Variants in ERO1B observed in about 807,000 individuals in gnomAD.
ERO1B encodes endoplasmic reticulum oxidoreductase 1 beta.
A neutral mutation model predicts 75.3 loss-of-function variants in ERO1B; 49 were observed. The ratio of observed to expected loss-of-function variants is 0.65; its 90% CI spans 0.52 to 0.83. The LOEUF is 0.83. Among genes scored for constraint, ERO1B ranks in the 40% least tolerant of loss-of-function variants. The pLI, the probability that ERO1B is intolerant of heterozygous loss-of-function variation, is 0.00. For missense variants in ERO1B, 512 were observed against 560.1 expected, an observed-to-expected ratio of 0.91 and a Z score of 0.87; for synonymous variants, 191 against 192.9, an observed-to-expected ratio of 0.99 and a Z score of 0.08.
At position 236,249,952 on chromosome 1, in the gene ERO1B, T is replaced by C; in HGVS notation, c.364A>G (p.Asn122Asp). The change falls in exon 5 of 16, where the codon AAC becomes GAC. Residue 122 changes from asparagine (N) to aspartate (D), a missense_variant. By Grantham distance (23) the Asn-to-Asp change is conservative (BLOSUM62 1). Transcript: ENST00000354619. ...GHSNKYLKMA[N>D]NTKELEDCEQ... The stretch of plus-strand genomic sequence containing the variant: ...CAATCTTCTAATTCTTTGGTATTGT[T>C]TGCCATTTTCAAGTACTGCAAAGAA... 2 of 1,601,574 alleles carry C rather than the reference T, an allele frequency of 1.2e-6. No individual in the cohort carries two copies. Among genetic ancestry groups the C allele is most frequent in the Non-Finnish European group, 1.7e-6 (2 of 1,175,328 alleles).
chr1:236,281,621 C>G (rs1665832229), intron 1 of ERO1B, 61 bp downstream of exon 1: 1 of 1,167,546 alleles, frequency 8.6e-7, no homozygotes. Context: ...AGCCGCGGCC[C>G]GTGTGTAGCG....
chr1:236,275,427 C>T (rs185794804), intron 1 of ERO1B, among the ~76,000 whole-genome samples: 48 of 152,256 alleles, frequency 3.2e-4, no homozygotes, highest in African/African-American at 1.1e-3. Context: ...CAGTAATAAC[C>T]AAATGGAAGA....
At chr1:236,241,115 A>G (rs1664687507) in intron 6 of ERO1B, among the ~76,000 whole-genome samples, 1 of 152,244 alleles carries the variant, frequency 6.6e-6, no homozygotes, top group Admixed American at 6.5e-5. Flanking sequence ...CATTATCAAC[A>G]GCAAAACAGC....
chr1:236,224,170 C>T (rs749832221), intron 13 of ERO1B, among the ~76,000 whole-genome samples: 2 of 152,056 alleles, frequency 1.3e-5, no homozygotes, highest in Non-Finnish European at 2.9e-5. Context: ...GAAAACAACC[C>T]CACAAAACTA....
rs545258709 is a variant in ERO1B, at chr1:236,242,784, G to A, written c.505+638C>T. Among the ~76,000 whole-genome samples, 195 of 152,128 alleles carry A rather than the reference G, an allele frequency of 1.3e-3. 1 individual carries two copies. The highest frequency in any genetic ancestry group is 4.2e-3 in the African/African-American group (173 of 41,490). ...TATGCCTACTCAGCACAATTCTTTG[G>A]GAATATTATCCCACAGATAAAAAAT... On this transcript the variant is annotated intron_variant, in intron 6 of 15. Transcript: ENST00000354619.
At chr1:236,266,302 T>C (rs1444372463) in intron 2 of ERO1B, among the ~76,000 whole-genome samples, 1 of 152,218 alleles carries the variant, frequency 6.6e-6, no homozygotes, top group East Asian at 1.9e-4. Context: ...GAATCATGTG[T>C]TTAAAATTAA....
At chr1:236,226,136 T>C in intron 12 of ERO1B, 133 bp downstream of exon 12, 1 of 839,346 alleles carries the variant, frequency 1.2e-6, no homozygotes, top group Admixed American at 2.7e-5. Context: ...TCTGTTGTTC[T>C]ATTGATCACT....
chr1:236,279,862 AAAGT>A (rs1310283936), intron 1 of ERO1B, among the ~76,000 whole-genome samples: 13 of 149,946 alleles, frequency 8.7e-5, no homozygotes, highest in Middle Eastern at 3.5e-3. Context: ...AAAAAAAAAG[AAAGT>A]AAGTACTGCT....
rs977494618 is a variant in ERO1B at position 236,250,039 on chromosome 1, A to T, written c.349-72T>A. 7 of 999,122 alleles carry T rather than the reference A, an allele frequency of 7.0e-6. No individual in the cohort carries two copies. The African/African-American group carries it at 1.1e-4, about 16-fold the overall frequency. The allele number at this position is 999,122 out of a possible 1,614,324, so 61.9% of individuals were successfully genotyped here. A position where few individuals can be genotyped will look rare whatever the true frequency, so the allele number is the denominator to read the frequency against. ...TATTTCAGTTTCTATTGGCAGAATA[A>T]TCAATCTGTCAACAATGATATACAC... On this transcript the variant is annotated intron_variant, in intron 4 of 15. Transcript: ENST00000354619.
chr1:236,267,947 G>A (rs972202815), intron 2 of ERO1B: 16 of 151,724 alleles, frequency 1.1e-4, no homozygotes, highest in Admixed American at 6.6e-4. Flanking sequence ...CTTCAGGAAC[G>A]GTGCACCCCT....
At chr1:236,260,192 G>A (rs984126706) in intron 2 of ERO1B, among the ~76,000 whole-genome samples, 3 of 152,086 alleles carry the variant, frequency 2.0e-5, no homozygotes, top group Middle Eastern at 3.4e-3. Context: ...AACTGACATC[G>A]AAGAAAAAGA....
intron 14 of ERO1B, 77 bp from the exon 15 acceptor site, chr1:236,221,042 C>T (rs991850187): frequency 9.1e-7 from 1 of 1,097,000 alleles, no homozygotes; most frequent in Admixed American, 3.6e-5. Context: ...GAATATATAG[C>T]CACTGTTATG....
At chr1:236,221,448 T>G (rs1664139474) in intron 14 of ERO1B, among the ~76,000 whole-genome samples, 1 of 152,240 alleles carries the variant, frequency 6.6e-6, no homozygotes, top group South Asian at 2.1e-4. Flanking sequence ...TAGAAAGAGA[T>G]AAAATATTCA....
At chr1:236,219,324 A>G (rs1664076486) in intron 15 of ERO1B, among the ~76,000 whole-genome samples, 1 of 152,338 alleles carries the variant, frequency 6.6e-6, no homozygotes, top group South Asian at 2.1e-4. Context: ...CCAGGATTCC[A>G]GAACTTTAGG....
chr1:236,281,925 G>T lies in ERO1B; in HGVS notation c.-142C>A. The T allele has an allele frequency of 2.1e-6, 1 of 470,960 alleles. No individual in the cohort carries two copies. Among genetic ancestry groups the T allele is most frequent in the Non-Finnish European group, 3.4e-6 (1 of 290,418 alleles). The allele number at this position is 470,960 out of a possible 1,614,324, so 29.2% of individuals were successfully genotyped here. A position where few individuals can be genotyped will look rare whatever the true frequency, so the allele number is the denominator to read the frequency against. On this transcript the variant is annotated 5_prime_UTR_variant, in exon 1 of 16. Transcript: ENST00000354619. Reference sequence around the variant, plus strand: ...GGTCTGCACTCCAGTCCGGAGGCAGGCGACTCTTTCCCCAACACCCGGCAG... The same window carrying T: ...GGTCTGCACTCCAGTCCGGAGGCAGTCGACTCTTTCCCCAACACCCGGCAG...
intron 5 of ERO1B, among the ~76,000 whole-genome samples, chr1:236,244,194 C>T (rs1006301149): frequency 1.3e-5 from 2 of 152,036 alleles, no homozygotes; most frequent in Non-Finnish European, 2.9e-5. Context: ...ATTTTGCTAC[C>T]CTCTTTATTC....
At chr1:236,235,671 TGTTC>T (rs1640549881) in intron 8 of ERO1B, 114 bp downstream of exon 8, 2 of 859,158 alleles carry the variant, frequency 2.3e-6, no homozygotes, top group African/African-American at 1.7e-5. Flanking sequence ...TTACACTTTT[TGTTC>T]ATCATTCAAA....
At chr1:236,270,093 C>T in intron 1 of ERO1B, 99 bp from the exon 2 acceptor site, 1 of 846,982 alleles carries the variant, frequency 1.2e-6, no homozygotes, top group Non-Finnish European at 1.8e-6. Context: ...TTCAAGTTAG[C>T]CGGTACTTGC....
intron 9 of ERO1B, among the ~76,000 whole-genome samples, chr1:236,230,611 CAAAAAAAAAA>C (rs397983348): frequency 8.5e-5 from 5 of 58,600 alleles, no homozygotes; most frequent in African/African-American, 3.2e-4. Context: ...GACCCTGTCT[CAAAAAAAAAA>C]AAAAAAAAAA....
Sources: allele counts gnomAD v4.1 joint callset (sites outside exome capture counted in the v4.1 genomes callset), GRCh38; gene constraint gnomAD v4.1.1; transcripts MANE v1.5; gene names NCBI Gene and HGNC (gene_info 2026-07-23, HGNC 2026-07-21).